DCLK1: variants seen among roughly 807,000 people sequenced by gnomAD.
The protein encoded by DCLK1 is serine/threonine-protein kinase DCLK1.
A neutral mutation model predicts 86.2 loss-of-function variants in DCLK1; 16 were observed. That is an observed-to-expected ratio of 0.19 (90% confidence interval 0.13 to 0.28). The LOEUF is 0.28. DCLK1 is among the 10% of genes least tolerant of loss of function. The pLI, the probability that DCLK1 is intolerant of heterozygous loss-of-function variation, is 1.00. For missense variants in DCLK1, 590 were observed against 940.2 expected (o/e 0.63, Z 4.87); for synonymous variants, 369 against 370.5 (o/e 1.00, Z 0.05).
At chr13:36,099,344 T>C (rs1427088696) in intron 3 of DCLK1, among the ~76,000 whole-genome samples, 1 of 152,238 alleles carries the variant, frequency 6.6e-6, no homozygotes, top group Non-Finnish European at 1.5e-5. Context: ...TTATTTAAAG[T>C]ACGAAGGCAA....
intron 3 of DCLK1, among the ~76,000 whole-genome samples, chr13:36,060,854 T>C (rs1480517572): frequency 6.6e-6 from 1 of 152,136 alleles, no homozygotes; most frequent in Admixed American, 6.5e-5. Context: ...AGAGTATTTA[T>C]TCTGTGCCCC....
intron 4 of DCLK1, among the ~76,000 whole-genome samples, chr13:35,875,431 G>A (rs1215560205): frequency 1.3e-5 from 2 of 152,224 alleles, no homozygotes. Context: ...ACAGGTGCCA[G>A]AGTTGCTAGC....
chr13:35,939,143 C>A (rs956156204), intron 4 of DCLK1, among the ~76,000 whole-genome samples: 2 of 152,138 alleles, frequency 1.3e-5, no homozygotes, highest in South Asian at 2.1e-4. Context: ...CTCCAGAAAC[C>A]CTTGTGGCCT....
At chr13:35,781,906 C>T (rs2086533068) in intron 16 of DCLK1, among the ~76,000 whole-genome samples, 1 of 152,142 alleles carries the variant, frequency 6.6e-6, no homozygotes, top group Non-Finnish European at 1.5e-5. Context: ...GAAATATCCA[C>T]CCTCCTCATT....
intron 13 of DCLK1, 36 bp downstream of exon 13, chr13:35,808,982 C>T (rs775120428): frequency 3.3e-5 from 52 of 1,586,370 alleles, no homozygotes; most frequent in Non-Finnish European, 4.3e-5. Flanking sequence ...TAGAGAAATG[C>T]TTTGTCGGCG....
chr13:35,785,763 G>A (rs889541706), intron 16 of DCLK1, among the ~76,000 whole-genome samples: 2 of 152,272 alleles, frequency 1.3e-5, no homozygotes, highest in African/African-American at 4.8e-5. Flanking sequence ...TGGGAGCAGG[G>A]ATGCTCGCCT....
intron 4 of DCLK1, among the ~76,000 whole-genome samples, chr13:35,892,780 T>C (rs960279181): frequency 4.6e-5 from 7 of 152,188 alleles, no homozygotes; most frequent in African/African-American, 1.7e-4. Context: ...GTTCCCTTTA[T>C]GTAACATTGT....
intron 3 of DCLK1, among the ~76,000 whole-genome samples, chr13:35,984,219 T>C (rs76966555): frequency 6.6e-6 from 1 of 152,212 alleles, no homozygotes; most frequent in Non-Finnish European, 1.5e-5. Context: ...CAGCCGAGGA[T>C]AGGACTTCAG....
chr13:35,894,278 C>A (rs2153120187), intron 4 of DCLK1, among the ~76,000 whole-genome samples: 1 of 152,282 alleles, frequency 6.6e-6, no homozygotes, highest in African/African-American at 2.4e-5. Context: ...AATGCAGCCC[C>A]ATTTTAAAGA....
intron 2 of DCLK1, 53 bp from the exon 3 acceptor site, chr13:36,112,268 T>C (rs544432652): frequency 7.4e-7 from 1 of 1,350,732 alleles, no homozygotes; most frequent in East Asian, 2.5e-5. Flanking sequence ...CCCATTTCTT[T>C]TTTCCTACTT....
At chr13:35,837,708 C>T (rs190918950) in intron 7 of DCLK1, among the ~76,000 whole-genome samples, 20 of 152,174 alleles carry the variant, frequency 1.3e-4, no homozygotes, top group Admixed American at 7.2e-4. Context: ...ATTCAAAGCA[C>T]GTGGCTTGGG....
chr13:35,838,065 CA>C (rs748395648), intron 7 of DCLK1, among the ~76,000 whole-genome samples: 160 of 100,292 alleles, frequency 1.6e-3, no homozygotes, highest in Middle Eastern at 5.3e-3. Flanking sequence ...GACTCCATCT[CA>C]AAAAAAAAAA....
At chr13:35,912,324 G>T (rs151247195) in intron 4 of DCLK1, among the ~76,000 whole-genome samples, 3 of 152,236 alleles carry the variant, frequency 2.0e-5, no homozygotes, top group African/African-American at 7.2e-5. Context: ...ATTCCTGTTT[G>T]CCCACTGTCT....
At chr13:36,078,919 G>A (rs76797503) in intron 3 of DCLK1, among the ~76,000 whole-genome samples, 3,517 of 152,260 alleles carry the variant, frequency 0.023, 41 homozygotes, top group South Asian at 0.061. Flanking sequence ...TCGCTGCACC[G>A]AGGGAAGGTT....
intron 11 of DCLK1, among the ~76,000 whole-genome samples, chr13:35,813,211 T>C (rs1339650657): frequency 6.6e-6 from 1 of 152,236 alleles, no homozygotes. Flanking sequence ...CCTGCTTTGA[T>C]GTTCTGCTAG....
At chr13:35,774,782 C>A in intron 16 of DCLK1, 83 bp from the exon 17 acceptor site, 2 of 1,459,754 alleles carry the variant, frequency 1.4e-6, no homozygotes, top group South Asian at 1.3e-5. Flanking sequence ...TTTCTGAGGT[C>A]AGAAAAAATA....
chr13:36,131,442 TC>T, upstream of DCLK1: 1 of 178,036 alleles, frequency 5.6e-6, no homozygotes, highest in Non-Finnish European at 1.2e-5. Flanking sequence ...CCCTCCCGTC[TC>T]CCTCCTCCTC....
intron 5 of DCLK1, among the ~76,000 whole-genome samples, chr13:35,867,396 CTACTT>C (rs1276039960): frequency 6.6e-6 from 1 of 152,122 alleles, no homozygotes; most frequent in Non-Finnish European, 1.5e-5. Flanking sequence ...AATTTGGACT[CTACTT>C]TCTTTATGAA....
chr13:35,790,900 G>GA (rs1318048930), intron 16 of DCLK1, among the ~76,000 whole-genome samples: 1 of 152,002 alleles, frequency 6.6e-6, no homozygotes, highest in Non-Finnish European at 1.5e-5. Context: ...TTTTAAGAAT[G>GA]AAAAAATGGT....
Sources: allele counts gnomAD v4.1 joint callset (sites outside exome capture counted in the v4.1 genomes callset), GRCh38; gene constraint gnomAD v4.1.1; transcripts MANE v1.5; gene names NCBI Gene and HGNC (gene_info 2026-07-23, HGNC 2026-07-21).